Variants in FUT8 observed in about 807,000 individuals in gnomAD.
The protein encoded by FUT8 is fucosyltransferase 8.
A neutral mutation model predicts 71.3 loss-of-function variants in FUT8; 29 were observed. The observed-to-expected ratio is 0.41, with a 90% CI of 0.30 to 0.55. The LOEUF is 0.55. FUT8 is among the 20% of genes least tolerant of loss of function. The pLI is 0.34. For missense variants in FUT8, 544 were observed against 702.1 expected (o/e 0.77, Z 2.55); for synonymous variants, 254 against 239.3 (o/e 1.06, Z -0.57).
In FUT8 at chr14:65,497,554, A is replaced by T. The variant is rs146365322; in HGVS notation, c.-228+41836A>T. ...ATTCTAATGATTTTTAAATATTTTT[A>T]TTTGATGTAATGAGCTTTCCATTTT... is the stretch of plus-strand genomic sequence containing the variant. On this transcript the variant is annotated intron_variant, in intron 2 of 10. Coordinates refer to ENST00000673929, the MANE Select transcript of FUT8 (RefSeq NM_001371533.1). 2.0e-4 allele frequency among the ~76,000 whole-genome samples: 31 copies of T among 152,128 alleles called. 1 individual carries two copies. In the East Asian group the frequency reaches 6.0e-3, roughly 29 times the overall value.
At chr14:65,524,187 G>T (rs1883285394) in intron 2 of FUT8, among the ~76,000 whole-genome samples, 1 of 152,158 alleles carries the variant, frequency 6.6e-6, no homozygotes, top group Admixed American at 6.5e-5. Flanking sequence ...TCACGATATT[G>T]ATTCTTCCTA....
the FUT8 span, among the ~76,000 whole-genome samples, chr14:65,380,659 C>T: frequency 1.3e-5 from 2 of 152,302 alleles, no homozygotes; most frequent in African/African-American, 4.8e-5. Flanking sequence ...AGGGTCATCC[C>T]TCTGGGGTCC....
chr14:65,635,936 G>A (rs759891422), intron 6 of FUT8, among the ~76,000 whole-genome samples: 24 of 151,730 alleles, frequency 1.6e-4, no homozygotes, highest in Admixed American at 5.2e-4. Context: ...TAAATGTCTG[G>A]TAGAATTCAG....
chr14:65,645,695 T>C (rs1268467310), intron 6 of FUT8, among the ~76,000 whole-genome samples: 1 of 152,330 alleles, frequency 6.6e-6, no homozygotes, highest in East Asian at 1.9e-4. Flanking sequence ...TTTTTAATTG[T>C]CTACACTACA....
the FUT8 span, among the ~76,000 whole-genome samples, chr14:65,370,531 A>G: frequency 1.3e-5 from 2 of 151,042 alleles, no homozygotes; most frequent in East Asian, 3.9e-4. Context: ...TTTAAAACAC[A>G]TTGGCCCATT....
chr14:65,571,675 G>A (rs1286023300), intron 3 of FUT8, among the ~76,000 whole-genome samples: 1 of 152,034 alleles, frequency 6.6e-6, no homozygotes, highest in South Asian at 2.1e-4. Flanking sequence ...AGCACATTTA[G>A]AATATAATGC....
At chr14:65,720,949 C>G (rs1048585199) in intron 7 of FUT8, among the ~76,000 whole-genome samples, 7 of 152,122 alleles carry the variant, frequency 4.6e-5, no homozygotes, top group African/African-American at 1.7e-4. Context: ...AGTGCAAAGT[C>G]CCACAATCAC....
intron 7 of FUT8, among the ~76,000 whole-genome samples, chr14:65,710,497 T>C (rs1300638538): frequency 3.3e-5 from 5 of 152,250 alleles, no homozygotes; most frequent in African/African-American, 7.2e-5. Context: ...GCTTTTGTTC[T>C]ATGCCAATTT....
intron 2 of FUT8, among the ~76,000 whole-genome samples, chr14:65,547,081 CTTACATTCCTAATA>C (rs747333816): frequency 4.0e-5 from 6 of 151,248 alleles, no homozygotes; most frequent in African/African-American, 7.3e-5. Context: ...GATAGTGCCT[CTTACATTCCTAATA>C]TTAGCAGCTT....
chr14:65,557,210 A>G (rs1885630188), intron 2 of FUT8, among the ~76,000 whole-genome samples: 1 of 152,192 alleles, frequency 6.6e-6, no homozygotes. Flanking sequence ...AGAGACATTA[A>G]ACAAATATTA....
At chr14:65,673,757 A>G (rs1892583327) in intron 7 of FUT8, among the ~76,000 whole-genome samples, 1 of 152,226 alleles carries the variant, frequency 6.6e-6, no homozygotes, top group South Asian at 2.1e-4. Context: ...GTTCTTCACT[A>G]AAACTGACAG....
chr14:65,541,343 A>G (rs1231887234), intron 2 of FUT8, among the ~76,000 whole-genome samples: 2 of 152,244 alleles, frequency 1.3e-5, no homozygotes, highest in African/African-American at 4.8e-5. Flanking sequence ...ACCATATGCC[A>G]TCTGCAGGCT....
chr14:65,474,749 A>G (rs1016804057), intron 2 of FUT8, among the ~76,000 whole-genome samples: 1 of 152,096 alleles, frequency 6.6e-6, no homozygotes, highest in Non-Finnish European at 1.5e-5. Context: ...TTCTCCTAAT[A>G]CCTTGGTGAG....
At position 65,627,085 on chromosome 14, in the gene FUT8, C is replaced by A. The variant is rs1485089001; in HGVS notation, c.483-2407C>A. Reference sequence around the variant, plus strand: ...TATTTATCGAATATTTTGTCTGTGACATGCACTGTTCCACATGCTGATTTT... The same window carrying A: ...TATTTATCGAATATTTTGTCTGTGAAATGCACTGTTCCACATGCTGATTTT... On this transcript the variant is annotated intron_variant, in intron 5 of 10. Coordinates refer to ENST00000673929, the MANE Select transcript of FUT8 (RefSeq NM_001371533.1). The surrounding 1 kb of genome is among the most constrained non-coding windows in gnomAD (Gnocchi z 4.0). Among the ~76,000 whole-genome samples the A allele has an allele frequency of 2.0e-5, 3 of 152,058 alleles. No individual in the cohort carries two copies. The highest frequency in any genetic ancestry group is 7.2e-5 in the African/African-American group (3 of 41,398).
At chr14:65,635,800 T>C (rs916398148) in intron 6 of FUT8, among the ~76,000 whole-genome samples, 8 of 152,212 alleles carry the variant, frequency 5.3e-5, no homozygotes, top group African/African-American at 1.9e-4. Flanking sequence ...GTTTTCTTTT[T>C]CAGTTAATGT....
the FUT8 span, among the ~76,000 whole-genome samples, chr14:65,377,867 A>T: frequency 6.6e-6 from 1 of 152,140 alleles, no homozygotes; most frequent in African/African-American, 2.4e-5. Flanking sequence ...GAAATTTTTG[A>T]TATAATACGG....
chr14:65,695,977 C>G (rs1409228699), intron 7 of FUT8, among the ~76,000 whole-genome samples: 1 of 152,082 alleles, frequency 6.6e-6, no homozygotes. Flanking sequence ...TTTCAAATAA[C>G]TTTATATATC....
At chr14:65,419,287 AAAAC>A (rs1225262642) in intron 1 of FUT8, among the ~76,000 whole-genome samples, 4 of 152,292 alleles carry the variant, frequency 2.6e-5, no homozygotes, top group East Asian at 3.9e-4. Context: ...CAAAAAAACA[AAAAC>A]AAATTCTAAC....
chr14:65,456,176 A>G lies in FUT8; in HGVS notation c.-228+458A>G, dbSNP rs941800291. 3.3e-5 allele frequency among the ~76,000 whole-genome samples: 5 copies of G among 152,210 alleles called. No homozygotes were observed. In the South Asian group the frequency reaches 8.3e-4, roughly 25 times the overall value. On this transcript the variant is annotated intron_variant, in intron 2 of 10. Coordinates refer to ENST00000673929, the MANE Select transcript of FUT8 (RefSeq NM_001371533.1). ...TCATTCTATTAATTTTGACAAATAT[A>G]TATCACCACAATTAAAACATTCTCT...
Sources: allele counts gnomAD v4.1 joint callset (sites outside exome capture counted in the v4.1 genomes callset), GRCh38; gene constraint gnomAD v4.1.1; non-coding constraint Gnocchi (gnomAD v3.1); transcripts MANE v1.5; gene names NCBI Gene and HGNC (gene_info 2026-07-23, HGNC 2026-07-21).